The following CASZ1 variants were observed in gnomAD, a reference collection of about 807,000 sequenced individuals.
The protein encoded by CASZ1 is zinc finger protein castor homolog 1.
Under a neutral mutation model 135.2 loss-of-function variants are expected in CASZ1, and 28 were observed. The ratio of observed to expected loss-of-function variants is 0.21; its 90% CI spans 0.15 to 0.28. CASZ1 has a LOEUF of 0.28. Among genes scored for constraint, CASZ1 ranks in the 10% least tolerant of loss-of-function variants. The pLI is 1.00. For missense variants in CASZ1, 2,161 were observed against 2,453.3 expected, an observed-to-expected ratio of 0.88 and a Z score of 2.52; for synonymous variants, 1,068 against 1,073.4, an observed-to-expected ratio of 0.99 and a Z score of 0.10.
At chr1:10,680,408 T>C (rs1177145167) in intron 4 of CASZ1, among the ~76,000 whole-genome samples, 1 of 152,164 alleles carries the variant, frequency 6.6e-6, no homozygotes, top group Non-Finnish European at 1.5e-5. Flanking sequence ...TCCTCATTAG[T>C]CCTGCTCTAA....
intron 20 of CASZ1, 75 bp downstream of exon 20, chr1:10,642,784 C>T (rs911802330): frequency 7.1e-6 from 11 of 1,540,470 alleles, no homozygotes; most frequent in South Asian, 1.2e-5. Flanking sequence ...GACCTTCTGT[C>T]CCAAGCTGCA....
chr1:10,642,520 C>T (rs761927655), intron 20 of CASZ1, among the ~76,000 whole-genome samples: 1 of 151,462 alleles, frequency 6.6e-6, no homozygotes, highest in Admixed American at 6.6e-5. Flanking sequence ...CCAGGGGTCA[C>T]GTGGGCAGGT....
intron 4 of CASZ1, among the ~76,000 whole-genome samples, chr1:10,668,325 G>A (rs1375837821): frequency 6.6e-6 from 1 of 152,108 alleles, no homozygotes; most frequent in Admixed American, 6.5e-5. Context: ...AAATATAAAC[G>A]CCGTGGCCAG....
At chr1:10,649,499 G>A in intron 13 of CASZ1, 62 bp from the exon 14 acceptor site, 1 of 1,526,336 alleles carries the variant, frequency 6.6e-7, no homozygotes, top group African/African-American at 1.4e-5. Flanking sequence ...ACGGCAGCCT[G>A]GGGAGCAACA....
At chr1:10,662,582 TCA>T (rs757319807) in intron 5 of CASZ1, among the ~76,000 whole-genome samples, 10 of 147,438 alleles carry the variant, frequency 6.8e-5, no homozygotes, top group Non-Finnish European at 1.0e-4. Context: ...GTGCTCACAA[TCA>T]CACACACAAT....
chr1:10,653,292 C>A (rs769928914), intron 11 of CASZ1, 85 bp downstream of exon 11: 1 of 1,358,952 alleles, frequency 7.4e-7, no homozygotes, highest in Non-Finnish European at 1.1e-6. Context: ...CCAAACACCC[C>A]CCGACTCTGC....
At chr1:10,644,551 AAG>A (rs2124669948) in intron 18 of CASZ1, among the ~76,000 whole-genome samples, 1 of 152,334 alleles carries the variant, frequency 6.6e-6, no homozygotes, top group Non-Finnish European at 1.5e-5. Flanking sequence ...AAGCCATGGA[AAG>A]AGATCCCAGA....
chr1:10,737,909 A>C (rs1483126580), intron 2 of CASZ1, among the ~76,000 whole-genome samples: 1 of 152,232 alleles, frequency 6.6e-6, no homozygotes, highest in Non-Finnish European at 1.5e-5. Context: ...GGGTGCAGTC[A>C]GGCAGTGATG....
intron 4 of CASZ1, among the ~76,000 whole-genome samples, chr1:10,674,351 C>T (rs1007772222): frequency 6.6e-5 from 10 of 152,250 alleles, no homozygotes; most frequent in African/African-American, 1.4e-4. Flanking sequence ...GAGAGATGCC[C>T]GGCCCAAGCC....
intron 3 of CASZ1, among the ~76,000 whole-genome samples, chr1:10,696,082 G>T (rs763672144): frequency 3.3e-4 from 50 of 152,236 alleles, no homozygotes; most frequent in Non-Finnish European, 6.9e-4. Context: ...ATTTTGCAAA[G>T]GGAGGGGCCA....
chr1:10,648,306 G>A (rs1223129335), intron 15 of CASZ1, 167 bp from the exon 16 acceptor site: 5 of 554,498 alleles, frequency 9.0e-6, no homozygotes, highest in African/African-American at 1.9e-5. Flanking sequence ...AGGACTGGAG[G>A]GCAAACTGCA....
chr1:10,688,572 C>T (rs1438213406), intron 4 of CASZ1, among the ~76,000 whole-genome samples: 5 of 152,186 alleles, frequency 3.3e-5, no homozygotes, highest in African/African-American at 4.8e-5. Context: ...GGTGGGACAG[C>T]AGACCGCTCC....
At chr1:10,696,272 G>A (rs1285126329) in intron 3 of CASZ1, among the ~76,000 whole-genome samples, 1 of 152,028 alleles carries the variant, frequency 6.6e-6, no homozygotes, top group African/African-American at 2.4e-5. Flanking sequence ...CCCACTCCTG[G>A]CCGTCACACA....
At position 10,741,246 on chromosome 1, in the gene CASZ1, G is replaced by C. The variant is rs1295459157; in HGVS notation, c.-77+19455C>G. Among the ~76,000 whole-genome samples the C allele has an allele frequency of 6.6e-6, 1 of 152,230 alleles. No individual in the cohort carries two copies. The stretch of plus-strand genomic sequence containing the variant: ...GATCCACCCACCTCAGCTTCCCAAA[G>C]TGTTGGGATTACAGGCGTGAGCCAC... On this transcript the variant is annotated intron_variant, in intron 2 of 20. Coordinates refer to ENST00000377022, the MANE Select transcript of CASZ1 (RefSeq NM_001079843.3). This position sits in a 1 kb window ranked among gnomAD's most constrained non-coding sequence, Gnocchi z 5.0.
At chr1:10,661,331 G>C (rs1019526987) in intron 5 of CASZ1, 2 of 152,170 alleles carry the variant, frequency 1.3e-5, no homozygotes, top group Admixed American at 1.3e-4. Context: ...TGGCCACCCC[G>C]GGCACACCAG....
intron 4 of CASZ1, among the ~76,000 whole-genome samples, chr1:10,675,016 C>CCG (rs1643521162): frequency 7.8e-6 from 1 of 128,240 alleles, no homozygotes; most frequent in African/African-American, 3.9e-5. Context: ...TGCTCAGATA[C>CCG]CCCCCGCAAC....
At position 10,755,023 on chromosome 1, in the gene CASZ1, C is replaced by T. The variant is rs933365381; in HGVS notation, c.-77+5678G>A. Among the ~76,000 whole-genome samples, 2 of 152,174 alleles carry T rather than the reference C, an allele frequency of 1.3e-5. No homozygotes were observed. The highest frequency in any genetic ancestry group is 2.4e-5 in the African/African-American group (1 of 41,414). Reference sequence around the variant, plus strand: ...CCCAGGCTCAGAAAAGCCCCTGCTTCGGAGGAAAGCCAAGGAGCCGGACCA... The same window carrying T: ...CCCAGGCTCAGAAAAGCCCCTGCTTTGGAGGAAAGCCAAGGAGCCGGACCA... On this transcript the variant is annotated intron_variant, in intron 2 of 20. Coordinates refer to ENST00000377022, the MANE Select transcript of CASZ1 (RefSeq NM_001079843.3). The surrounding 1 kb of genome is among the most constrained non-coding windows in gnomAD (Gnocchi z 4.3).
Position 10,646,398 on chromosome 1 carries a change from T to C in CASZ1, c.3498-72A>G. ...TCCCTGCTGGTGTCCTGACTTCACT[T>C]GTGTTGGAGTTCACTCCCCCACGAC... On this transcript the variant is annotated intron_variant, in intron 16 of 20. Coordinates refer to ENST00000377022, the MANE Select transcript of CASZ1 (RefSeq NM_001079843.3). The surrounding 1 kb of genome is among the most constrained non-coding windows in gnomAD (Gnocchi z 6.4). 3 of 1,465,732 alleles carry C rather than the reference T, an allele frequency of 2.0e-6. No homozygotes were observed. The highest frequency in any genetic ancestry group is 2.8e-6 in the Non-Finnish European group (3 of 1,058,876). 90.8% of individuals were successfully genotyped at this position (1,465,732 alleles called of 1,614,324 possible). A position where few individuals can be genotyped will look rare whatever the true frequency, so the allele number is the denominator to read the frequency against.
intron 3 of CASZ1, among the ~76,000 whole-genome samples, chr1:10,695,319 T>C (rs1638905750): frequency 1.3e-5 from 2 of 152,098 alleles, no homozygotes; most frequent in African/African-American, 2.4e-5. Flanking sequence ...CGGGTCCAAG[T>C]GTCCTCCCAG....
Sources: allele counts gnomAD v4.1 joint callset (sites outside exome capture counted in the v4.1 genomes callset), GRCh38; gene constraint gnomAD v4.1.1; non-coding constraint Gnocchi (gnomAD v3.1); transcripts MANE v1.5; gene names NCBI Gene and HGNC (gene_info 2026-07-23, HGNC 2026-07-21).